Variants in GALNT13 observed in about 807,000 individuals in gnomAD.
GALNT13 encodes UDP-GalNAc:polypeptide N-acetylgalactosaminyltransferase 13.
Under a neutral mutation model 64.2 loss-of-function variants are expected in GALNT13, and 28 were observed. That is an observed-to-expected ratio of 0.44 (90% CI 0.32 to 0.60). The LOEUF (loss-of-function observed/expected upper bound fraction) is 0.60, where lower values mean the gene tolerates loss of function less well. Among genes scored for constraint, GALNT13 ranks in the 20% least tolerant of loss-of-function variants. The pLI is 0.05. For synonymous variants in GALNT13, 214 were observed against 224.6 expected (o/e 0.95, Z 0.42); for missense variants, 577 against 669.8 (o/e 0.86, Z 1.53).
intron 3 of GALNT13, among the ~76,000 whole-genome samples, chr2:154,100,487 T>C (rs1490078224): frequency 1.3e-5 from 2 of 152,084 alleles, no homozygotes; most frequent in Non-Finnish European, 2.9e-5. Context: ...AGATTGAGTT[T>C]TGAATTTGGT....
At chr2:153,328,521 G>C in the GALNT13 span, among the ~76,000 whole-genome samples, 1 of 152,186 alleles carries the variant, frequency 6.6e-6, no homozygotes, top group South Asian at 2.1e-4. Context: ...GAAATATAGA[G>C]AGGCAGTCTG....
At chr2:153,495,125 T>C in the GALNT13 span, among the ~76,000 whole-genome samples, 1 of 152,134 alleles carries the variant, frequency 6.6e-6, no homozygotes, top group Non-Finnish European at 1.5e-5. Context: ...TTACAATGAC[T>C]AAAACTAAAA....
At chr2:153,673,143 G>A in the GALNT13 span, among the ~76,000 whole-genome samples, 1 of 152,264 alleles carries the variant, frequency 6.6e-6, no homozygotes, top group Admixed American at 6.5e-5. Flanking sequence ...AGATGAGCTG[G>A]TACCATTCCT....
chr2:153,112,770 T>A, the GALNT13 span, among the ~76,000 whole-genome samples: 1 of 152,104 alleles, frequency 6.6e-6, no homozygotes, highest in Non-Finnish European at 1.5e-5. Flanking sequence ...ATTTATTAGT[T>A]CAACTTAGTT....
At chr2:153,501,588 A>G in the GALNT13 span, among the ~76,000 whole-genome samples, 1 of 151,982 alleles carries the variant, frequency 6.6e-6, no homozygotes, top group Non-Finnish European at 1.5e-5. Context: ...TGTCTCGACC[A>G]CCCAACATGC....
At chr2:153,583,862 G>A in the GALNT13 span, among the ~76,000 whole-genome samples, 5 of 152,184 alleles carry the variant, frequency 3.3e-5, no homozygotes, top group Non-Finnish European at 7.3e-5. Context: ...TGAGAAACAA[G>A]TGTAGCCTGG....
At chr2:153,345,135 A>G in the GALNT13 span, among the ~76,000 whole-genome samples, 2 of 152,336 alleles carry the variant, frequency 1.3e-5, no homozygotes, top group African/African-American at 4.8e-5. Context: ...TCTAGGGCAA[A>G]GTCCTTTCAT....
intron 9 of GALNT13, among the ~76,000 whole-genome samples, chr2:154,370,922 A>C (rs1032594172): frequency 6.6e-6 from 1 of 152,166 alleles, no homozygotes; most frequent in Non-Finnish European, 1.5e-5. Context: ...TAGAAGGCCA[A>C]CATAAGAGGA....
intron 3 of GALNT13, among the ~76,000 whole-genome samples, chr2:153,981,659 A>G (rs1169697411): frequency 6.6e-6 from 1 of 152,052 alleles, no homozygotes; most frequent in Non-Finnish European, 1.5e-5. Context: ...GCTATTGTGA[A>G]TAGTGCTGCG....
chr2:153,086,293 G>A, the GALNT13 span, among the ~76,000 whole-genome samples: 308 of 152,262 alleles, frequency 2.0e-3, 2 homozygotes, highest in Middle Eastern at 6.8e-3. Flanking sequence ...CTGTTGGGAA[G>A]GCATGATTGG....
chr2:153,127,222 T>C, the GALNT13 span, among the ~76,000 whole-genome samples: 1 of 152,192 alleles, frequency 6.6e-6, no homozygotes, highest in Non-Finnish European at 1.5e-5. Flanking sequence ...TTTTGCACTC[T>C]AAAATCATCA....
At chr2:154,118,505 A>G (rs1574535696) in intron 3 of GALNT13, among the ~76,000 whole-genome samples, 1 of 151,214 alleles carries the variant, frequency 6.6e-6, no homozygotes, top group East Asian at 1.9e-4. Context: ...AATGTAATAA[A>G]TTTACATTCC....
At chr2:154,127,131 C>T (rs1485002825) in intron 3 of GALNT13, among the ~76,000 whole-genome samples, 1 of 151,862 alleles carries the variant, frequency 6.6e-6, no homozygotes, top group African/African-American at 2.4e-5. Context: ...AAAATATTAA[C>T]CGAAAATTTA....
intron 4 of GALNT13, among the ~76,000 whole-genome samples, chr2:154,231,763 A>G (rs1688928904): frequency 7.0e-6 from 1 of 142,010 alleles, no homozygotes; most frequent in African/African-American, 2.5e-5. Context: ...AGTTTTTGCC[A>G]TTACTTTCAA....
At chr2:153,327,172 T>C in the GALNT13 span, among the ~76,000 whole-genome samples, 1 of 152,208 alleles carries the variant, frequency 6.6e-6, no homozygotes, top group Non-Finnish European at 1.5e-5. Flanking sequence ...AGAGATCTGC[T>C]GTTAGTCTGA....
chr2:154,167,670 A>G (rs982259724), intron 4 of GALNT13, among the ~76,000 whole-genome samples: 3 of 152,182 alleles, frequency 2.0e-5, no homozygotes, highest in African/African-American at 7.2e-5. Flanking sequence ...AGAGAGACAC[A>G]ACTTAATGTA....
the GALNT13 span, among the ~76,000 whole-genome samples, chr2:153,715,368 A>G: frequency 6.6e-6 from 1 of 152,240 alleles, no homozygotes; most frequent in East Asian, 1.9e-4. Flanking sequence ...ATTGCTTTGC[A>G]GCCCTCCAGT....
At chr2:153,392,220 A>AT in the GALNT13 span, among the ~76,000 whole-genome samples, 1 of 151,302 alleles carries the variant, frequency 6.6e-6, no homozygotes, top group Non-Finnish European at 1.5e-5. Context: ...CAAATAACCT[A>AT]TTTAAATTTG....
At chr2:153,607,159 T>A in the GALNT13 span, among the ~76,000 whole-genome samples, 3 of 152,112 alleles carry the variant, frequency 2.0e-5, no homozygotes, top group Admixed American at 6.6e-5. Flanking sequence ...TCTTTGCCAC[T>A]GAAACCCTGG....
Sources: allele counts gnomAD v4.1 joint callset (sites outside exome capture counted in the v4.1 genomes callset), GRCh38; gene constraint gnomAD v4.1.1; transcripts MANE v1.5; gene names NCBI Gene and HGNC (gene_info 2026-07-23, HGNC 2026-07-21).